The following LIFR variants were observed in gnomAD, a reference collection of about 807,000 sequenced individuals.
LIFR encodes the protein leukemia inhibitory factor receptor.
A neutral mutation model predicts 122.2 loss-of-function variants in LIFR; 84 were observed. The ratio of observed to expected loss-of-function variants is 0.69; its 90% confidence interval spans 0.58 to 0.82. The LOEUF (loss-of-function observed/expected upper bound fraction) is 0.82. LIFR is among the 40% of genes least tolerant of loss of function. LIFR has a pLI of 0.00. For synonymous variants in LIFR, 422 were observed against 434.7 expected (o/e 0.97, Z 0.36); for missense variants, 1,294 against 1,311.6 (o/e 0.99, Z 0.21).
chr5:38,592,933 G>A (rs1341187880), intron 1 of LIFR, among the ~76,000 whole-genome samples: 1 of 151,492 alleles, frequency 6.6e-6, no homozygotes, highest in African/African-American at 2.4e-5. Context: ...AGCTGGGCGT[G>A]GTGGCTCACG....
In LIFR at chr5:38,478,530, TAATCTATGCA is replaced by T. The variant is rs1743828930; in HGVS notation, c.*3055_*3064del. ...GATGACCTAGATTGCATACATGTGC[TAATCTATGCA>T]ATATATGATTCACAAGGTTCATCTA... is the stretch of plus-strand genomic sequence containing the variant. On this transcript the variant is annotated 3_prime_UTR_variant, in exon 20 of 20. Transcript: ENST00000453190. 5.0e-6 allele frequency: 1 copy of T among 199,584 alleles called. No homozygotes were observed. Among genetic ancestry groups the T allele is most frequent in the Non-Finnish European group, 1.0e-5 (1 of 96,480 alleles). The allele number at this position is 199,584 out of a possible 1,614,324, so 12.4% of individuals were successfully genotyped here.
At chr5:38,545,466 T>A (rs1165073285) in intron 1 of LIFR, among the ~76,000 whole-genome samples, 1 of 151,394 alleles carries the variant, frequency 6.6e-6, no homozygotes. Context: ...GAAACTAAAA[T>A]TTTTTTTTGT....
rs1192954208 is a variant in LIFR, at chr5:38,475,261, T to C, written c.*6334A>G. The C allele has an allele frequency of 2.1e-5, 4 of 192,280 alleles. No homozygotes were observed. The highest frequency in any genetic ancestry group is 1.8e-3 in the Middle Eastern group (1 of 562). 11.9% of individuals were successfully genotyped at this position (192,280 alleles called of 1,614,324 possible). A position where few individuals can be genotyped will look rare whatever the true frequency, so the allele number is the denominator to read the frequency against. ...TTCACAAGGCAGGAAATGCTTCAGT[T>C]ATCATCTAAGTGGAGTTGTTTTATT... On this transcript the variant is annotated 3_prime_UTR_variant, in exon 20 of 20. Transcript: ENST00000453190.
intron 7 of LIFR, 92 bp from the exon 8 acceptor site, chr5:38,506,724 T>TA (rs1394467150): frequency 1.9e-6 from 2 of 1,076,898 alleles, no homozygotes; most frequent in East Asian, 5.1e-5. Context: ...CACAATTTCC[T>TA]AAAAAATGAA....
chr5:38,541,893 G>A (rs10941397), intron 1 of LIFR, among the ~76,000 whole-genome samples: 45,857 of 151,964 alleles, frequency 0.3, 7,182 homozygotes, highest in East Asian at 0.41. Context: ...AGCAACACAC[G>A]GGAAAACCAC....
In LIFR at chr5:38,506,775, A is replaced by G. The variant is rs1745510182; in HGVS notation, c.992-143T>C. The G allele has an allele frequency of 5.7e-6, 4 of 706,636 alleles. No individual in the cohort carries two copies. In the South Asian group the frequency reaches 7.1e-5, roughly 13 times the overall value. 43.8% of individuals were successfully genotyped at this position (706,636 alleles called of 1,614,324 possible). On this transcript the variant is annotated intron_variant, in intron 7 of 19. Transcript: ENST00000453190. ...CATTTTACTTTTGAATAATGCAGGA[A>G]TTATTCTCTCTGTAGCATGTCTTGT...
intron 2 of LIFR, 119 bp from the exon 3 acceptor site, chr5:38,528,959 T>A (rs749621157): frequency 1.4e-6 from 1 of 708,366 alleles, no homozygotes; most frequent in Admixed American, 2.2e-5. Context: ...AGCACAAGCA[T>A]GTGTGTCTGC....
intron 5 of LIFR, among the ~76,000 whole-genome samples, chr5:38,515,273 A>C (rs941060910): frequency 6.6e-6 from 1 of 152,140 alleles, no homozygotes; most frequent in Non-Finnish European, 1.5e-5. Flanking sequence ...GTGCTATACA[A>C]ATATTATCAG....
At chr5:38,490,941 C>T (rs936156874) in intron 14 of LIFR, among the ~76,000 whole-genome samples, 3 of 152,068 alleles carry the variant, frequency 2.0e-5, no homozygotes, top group East Asian at 1.9e-4. Context: ...GCCATTCATT[C>T]GAGGTCCACA....
chr5:38,571,214 A>G (rs997402047), intron 1 of LIFR, among the ~76,000 whole-genome samples: 12 of 152,202 alleles, frequency 7.9e-5, no homozygotes, highest in African/African-American at 2.4e-5. Flanking sequence ...ATATACAACC[A>G]GTTATCATTA....
upstream of LIFR, among the ~76,000 whole-genome samples, chr5:38,598,211 CTTTTTTTTTTTT>C (rs869193908): frequency 1.6e-5 from 1 of 62,208 alleles, no homozygotes; most frequent in Admixed American, 1.8e-4. Flanking sequence ...TAAGGCACCT[CTTTTTTTTTTTT>C]TTTTTTTTTA....
chr5:38,582,774 C>T (rs1342688473), intron 1 of LIFR, among the ~76,000 whole-genome samples: 2 of 152,182 alleles, frequency 1.3e-5, no homozygotes, highest in African/African-American at 4.8e-5. Context: ...AGTTTCGGTT[C>T]TCATCACTGT....
chr5:38,496,511 C>A lies in LIFR; in HGVS notation c.1756G>T (p.Glu586Ter), dbSNP rs754527323. The A allele has an allele frequency of 3.7e-6, 6 of 1,613,782 alleles. No homozygotes were observed. The highest frequency in any genetic ancestry group is 5.1e-6 in the Non-Finnish European group (6 of 1,179,796). Reference protein sequence around the residue: ...SSDEETQSLSEIPDPQHKAEI... With the variant: ...SSDEETQSLS ...GCTTTGTGCTGAGGATCAGGGATTTCAGAAAGGGACTGTGTTTCCTCATCT... is the reference window on the plus strand; with the variant it reads ...GCTTTGTGCTGAGGATCAGGGATTTAAGAAAGGGACTGTGTTTCCTCATCT... Residue 586 changes from glutamate to a stop codon, truncating the protein, a stop_gained, in exon 13 of 20, where the codon GAA becomes TAA. Coordinates refer to ENST00000453190, the MANE Select transcript of LIFR (RefSeq NM_001127671.2). LOFTEE classifies it high-confidence loss of function.
At chr5:38,524,873 C>G (rs1202640684) in intron 4 of LIFR, among the ~76,000 whole-genome samples, 1 of 152,110 alleles carries the variant, frequency 6.6e-6, no homozygotes, top group Non-Finnish European at 1.5e-5. Context: ...AGAAGGAAAC[C>G]AGAGAAAATC....
At chr5:38,522,662 C>G (rs973808326) in intron 5 of LIFR, among the ~76,000 whole-genome samples, 9 of 152,112 alleles carry the variant, frequency 5.9e-5, no homozygotes, top group Admixed American at 4.6e-4. Flanking sequence ...TGCTAGCTGA[C>G]TATTGTTATT....
At chr5:38,545,397 C>T (rs968114746) in intron 1 of LIFR, among the ~76,000 whole-genome samples, 7 of 151,870 alleles carry the variant, frequency 4.6e-5, no homozygotes, top group African/African-American at 1.5e-4. Flanking sequence ...TATATATATG[C>T]ACAGAAATTA....
chr5:38,569,052 G>C (rs775555577), intron 1 of LIFR, among the ~76,000 whole-genome samples: 1 of 152,174 alleles, frequency 6.6e-6, no homozygotes, highest in Non-Finnish European at 1.5e-5. Flanking sequence ...CCCTCTTTTG[G>C]CAGCATTCCC....
intron 5 of LIFR, among the ~76,000 whole-genome samples, chr5:38,520,698 C>G (rs986790840): frequency 6.6e-6 from 1 of 152,152 alleles, no homozygotes; most frequent in Non-Finnish European, 1.5e-5. Flanking sequence ...TATCCTTTCC[C>G]CAACTATGTA....
At chr5:38,556,717 C>CGCCCCT (rs1334773427), upstream of LIFR, 3 of 144,946 alleles carry the variant, frequency 2.1e-5, no homozygotes, top group Non-Finnish European at 4.6e-5. Context: ...GCCCCTGACC[C>CGCCCCT]GCCCCTGCCC....
Sources: gnomAD v4.1 joint callset for allele counts (sites outside exome capture counted in the v4.1 genomes callset) on GRCh38, gnomAD v4.1.1 for gene constraint, MANE v1.5 for transcripts, NCBI Gene and HGNC (gene_info 2026-07-23, HGNC 2026-07-21) for gene names.